The following PDE1A variants were observed in gnomAD, a reference collection of about 807,000 sequenced individuals.
PDE1A encodes the protein phosphodiesterase 1A.
PDE1A carries 35 observed loss-of-function variants against 61.7 expected under a neutral mutation model. The ratio of observed to expected loss-of-function variants is 0.57; its 90% CI spans 0.43 to 0.75. The LOEUF (loss-of-function observed/expected upper bound fraction) is 0.75, where lower values mean the gene tolerates loss of function less well. Ranked by LOEUF, PDE1A falls within the 30% of genes least tolerant of loss-of-function variation. The pLI, the probability that PDE1A is intolerant of heterozygous loss-of-function variation, is 0.00. For missense variants in PDE1A, 597 were observed against 630.6 expected (o/e 0.95, Z 0.57); for synonymous variants, 232 against 213.2 (o/e 1.09, Z -0.77).
At chr2:182,366,878 G>A (rs912785678) in intron 1 of PDE1A, among the ~76,000 whole-genome samples, 3 of 151,960 alleles carry the variant, frequency 2.0e-5, no homozygotes, top group Non-Finnish European at 4.4e-5. Context: ...CAATCAGAGT[G>A]GTACAGAAAT....
chr2:182,389,677 T>C (rs1701311545), intron 1 of PDE1A, among the ~76,000 whole-genome samples: 1 of 152,200 alleles, frequency 6.6e-6, no homozygotes, highest in Non-Finnish European at 1.5e-5. Flanking sequence ...GATTGAAGGA[T>C]CCAAAGTATT....
chr2:182,220,442 A>G (rs1020159684), intron 7 of PDE1A, among the ~76,000 whole-genome samples: 5 of 152,060 alleles, frequency 3.3e-5, no homozygotes, highest in Non-Finnish European at 7.4e-5. Context: ...GAAACAAGCT[A>G]AAATGTGTTT....
At chr2:182,540,199 A>C in the PDE1A span, among the ~76,000 whole-genome samples, 3 of 151,954 alleles carry the variant, frequency 2.0e-5, no homozygotes, top group South Asian at 6.2e-4. Flanking sequence ...CACCGTCTCT[A>C]CTAAAAATAC....
chr2:182,242,896 CTCCCT>C (rs1170800277), intron 2 of PDE1A, among the ~76,000 whole-genome samples: 7,267 of 136,290 alleles, frequency 0.053, 455 homozygotes, highest in African/African-American at 0.16. Context: ...CTCTCTCTCT[CTCCCT>C]CTCTCTCTCT....
chr2:182,579,848 C>G, the PDE1A span, among the ~76,000 whole-genome samples: 2 of 152,100 alleles, frequency 1.3e-5, no homozygotes, highest in Non-Finnish European at 2.9e-5. Flanking sequence ...AGAAGAAACA[C>G]AAATGGAGGG....
exon 7 of PDE1A, chr2:182,223,864 C>G (rs371630386): frequency 1.6e-5 from 25 of 1,545,358 alleles, no homozygotes; most frequent in African/African-American, 2.8e-5. Flanking sequence ...TCAGACTTAC[C>G]TTGTCTGAAT....
chr2:182,403,900 T>C (rs1043574136), intron 1 of PDE1A, among the ~76,000 whole-genome samples: 2 of 151,988 alleles, frequency 1.3e-5, no homozygotes, highest in Non-Finnish European at 2.9e-5. Flanking sequence ...GGTTGATGGG[T>C]GCAGCAAACC....
At chr2:182,324,685 C>T (rs897594639) in intron 1 of PDE1A, among the ~76,000 whole-genome samples, 1 of 152,256 alleles carries the variant, frequency 6.6e-6, no homozygotes. Context: ...ACACGCTCAT[C>T]CCACGTCTGT....
chr2:182,154,376 T>C (rs1690949689), intron 13 of PDE1A, among the ~76,000 whole-genome samples: 1 of 152,224 alleles, frequency 6.6e-6, no homozygotes, highest in South Asian at 2.1e-4. Flanking sequence ...ACACTAGATA[T>C]ATACGTGTCA....
intron 2 of PDE1A, among the ~76,000 whole-genome samples, chr2:182,496,301 A>G (rs1688710087): frequency 6.6e-6 from 1 of 152,220 alleles, no homozygotes; most frequent in Admixed American, 6.5e-5. Context: ...AAAGCCTTAA[A>G]AGGAAAACAT....
At chr2:182,143,035 T>C (rs1402889825), downstream of PDE1A, 1 of 152,198 alleles carries the variant, frequency 6.6e-6, no homozygotes, top group Non-Finnish European at 1.5e-5. Flanking sequence ...CTGATTTCAT[T>C]GTCCTGAAAT....
chr2:182,679,651 C>A, the PDE1A span, among the ~76,000 whole-genome samples: 4 of 151,992 alleles, frequency 2.6e-5, no homozygotes, highest in Non-Finnish European at 2.9e-5. Context: ...AGAAAAAGAT[C>A]ATTAAAACCC....
At chr2:182,478,540 A>G (rs973775854) in intron 2 of PDE1A, among the ~76,000 whole-genome samples, 12 of 151,866 alleles carry the variant, frequency 7.9e-5, no homozygotes, top group Admixed American at 7.2e-4. Context: ...GCACCTTCAT[A>G]CCTACTGTAT....
chr2:182,544,825 C>T, the PDE1A span, among the ~76,000 whole-genome samples: 4 of 152,086 alleles, frequency 2.6e-5, no homozygotes, highest in Non-Finnish European at 5.9e-5. Flanking sequence ...CCTGTCTCAT[C>T]TTTCTGGTTC....
At chr2:182,196,304 G>T (rs982900876) in intron 10 of PDE1A, among the ~76,000 whole-genome samples, 3 of 151,904 alleles carry the variant, frequency 2.0e-5, no homozygotes, top group Non-Finnish European at 4.4e-5. Context: ...CTAATCTCAT[G>T]ATCCTGTCAG....
rs193017480 is a variant in PDE1A at position 182,237,241 on chromosome 2, C to T, written c.351-2743G>A. Among the ~76,000 whole-genome samples the T allele has an allele frequency of 7.8e-4, 118 of 152,240 alleles. 1 individual carries two copies. The highest frequency in any genetic ancestry group is 1.8e-4 in the Non-Finnish European group (12 of 68,002). ...GGCGCAGTGACTCACGCCTGTAATC[C>T]CAGAACTTTGGGAGGCCGAGGCGGG... On this transcript the variant is annotated intron_variant, in intron 3 of 13. Coordinates refer to ENST00000351439, the Ensembl canonical transcript of PDE1A.
intron 6 of PDE1A, among the ~76,000 whole-genome samples, chr2:182,229,294 G>A (rs926129168): frequency 9.2e-5 from 14 of 152,058 alleles, no homozygotes; most frequent in African/African-American, 3.4e-4. Context: ...TAAAGCAGGT[G>A]CTAGGATTTA....
At chr2:182,143,748 C>G (rs937390037), downstream of PDE1A, among the ~76,000 whole-genome samples, 1 of 152,186 alleles carries the variant, frequency 6.6e-6, no homozygotes, top group Non-Finnish European at 1.5e-5. Context: ...ATCTCCTGAT[C>G]TCATGATCCA....
intron 2 of PDE1A, among the ~76,000 whole-genome samples, chr2:182,262,999 G>A (rs186231634): frequency 1.4e-4 from 21 of 150,216 alleles, no homozygotes; most frequent in Middle Eastern, 3.5e-3. Flanking sequence ...GTGTATCTGC[G>A]TGCCTGTGAA....
Sources: allele counts gnomAD v4.1 joint callset (sites outside exome capture counted in the v4.1 genomes callset), GRCh38; gene constraint gnomAD v4.1.1; transcripts MANE v1.5; gene names NCBI Gene and HGNC (gene_info 2026-07-23, HGNC 2026-07-21).